The following ZFR variants were observed in gnomAD, a reference collection of about 807,000 sequenced individuals.
The protein encoded by ZFR is zinc finger RNA-binding protein.
Under a neutral mutation model 130.7 loss-of-function variants are expected in ZFR, and 19 were observed. That is an observed-to-expected ratio of 0.15 (90% CI 0.10 to 0.21). The LOEUF (loss-of-function observed/expected upper bound fraction) is 0.21, where lower values mean the gene tolerates loss of function less well. Among genes scored for constraint, ZFR ranks in the 10% least tolerant of loss-of-function variants. The pLI, the probability that ZFR is intolerant of heterozygous loss-of-function variation, is 1.00. For missense variants in ZFR, 872 were observed against 1,321.5 expected (o/e 0.66, Z 5.27); for synonymous variants, 466 against 456.9 (o/e 1.02, Z -0.25).
At chr5:32,430,416 C>G (rs913155276) in intron 2 of ZFR, among the ~76,000 whole-genome samples, 28 of 151,408 alleles carry the variant, frequency 1.8e-4, no homozygotes, top group African/African-American at 5.4e-4. Flanking sequence ...CCAGAATGCA[C>G]AGAGAGAGAG....
In ZFR at chr5:32,397,966, T is replaced by C. The variant is rs369172004; in HGVS notation, c.1714-628A>G. 9.7e-4 allele frequency among the ~76,000 whole-genome samples: 142 copies of C among 146,186 alleles called. 1 individual carries two copies. Among genetic ancestry groups the C allele is most frequent in the African/African-American group, 3.5e-3 (139 of 39,920 alleles). On this transcript the variant is annotated intron_variant, in intron 9 of 19. Transcript: ENST00000265069. ...TCCGCCTCCTGGGTTCACACCATTC[T>C]CCTGCCTCAGCCTTCCGAGTAGCTG...
At chr5:32,421,576 T>C (rs542235823) in intron 2 of ZFR, among the ~76,000 whole-genome samples, 1 of 152,260 alleles carries the variant, frequency 6.6e-6, no homozygotes, top group South Asian at 2.1e-4. Flanking sequence ...GGAGGACACC[T>C]GGAGAAATTC....
At chr5:32,385,714 T>C in intron 14 of ZFR, 65 bp from the exon 15 acceptor site, 2 of 1,569,138 alleles carry the variant, frequency 1.3e-6, no homozygotes, top group Non-Finnish European at 1.7e-6. Flanking sequence ...AGCACTTTCA[T>C]TATGGCTCTT....
chr5:32,359,620 G>T (rs937172329), intron 19 of ZFR, among the ~76,000 whole-genome samples: 3 of 152,174 alleles, frequency 2.0e-5, no homozygotes, highest in Non-Finnish European at 4.4e-5. Context: ...CATCAGTATA[G>T]AAACATTGTG....
rs529324728 is a variant in ZFR, at chr5:32,358,271, C to T, written c.3046-2332G>A. 1.3e-3 allele frequency among the ~76,000 whole-genome samples: 197 copies of T among 152,120 alleles called. 1 individual carries two copies. The highest frequency in any genetic ancestry group is 9.1e-3 in the South Asian group (44 of 4,816). The stretch of plus-strand genomic sequence containing the variant: ...ACTTTGGAGGCTGAGGCAGGAGTAT[C>T]GCTTGAACCCGGGAGGCACAGGTTG... On this transcript the variant is annotated intron_variant, in intron 19 of 19. Coordinates refer to ENST00000265069, the MANE Select transcript of ZFR (RefSeq NM_016107.5).
intron 9 of ZFR, among the ~76,000 whole-genome samples, chr5:32,398,371 G>A (rs1047816636): frequency 6.6e-6 from 1 of 152,158 alleles, no homozygotes; most frequent in Non-Finnish European, 1.5e-5. Flanking sequence ...AAATTAAGAT[G>A]AAATTTTTTC....
intron 17 of ZFR, among the ~76,000 whole-genome samples, chr5:32,378,793 AAC>A (rs1329934466): frequency 3.9e-5 from 6 of 152,154 alleles, no homozygotes; most frequent in African/African-American, 1.4e-4. Flanking sequence ...TAAGGAGATT[AAC>A]AGTTCTTCAA....
At chr5:32,358,944 C>A (rs1388229055) in intron 19 of ZFR, among the ~76,000 whole-genome samples, 2 of 152,064 alleles carry the variant, frequency 1.3e-5, no homozygotes, top group African/African-American at 4.8e-5. Context: ...AAAGCTTAGC[C>A]GGGCATGGTG....
At chr5:32,400,319 C>T in intron 8 of ZFR, 116 bp from the exon 9 acceptor site, 3 of 687,874 alleles carry the variant, frequency 4.4e-6, no homozygotes, top group Non-Finnish European at 6.5e-6. Flanking sequence ...TCCTAACTGA[C>T]ATACAACAGA....
intron 5 of ZFR, among the ~76,000 whole-genome samples, chr5:32,409,719 G>GTTCATGGTTGATTGAA (rs1264484323): frequency 6.6e-6 from 1 of 152,180 alleles, no homozygotes; most frequent in East Asian, 1.9e-4. Flanking sequence ...AATATTTTCA[G>GTTCATGGTTGATTGAA]TTCATGGTTG....
chr5:32,411,705 AT>A (rs1163479639), intron 5 of ZFR, among the ~76,000 whole-genome samples: 2 of 11,006 alleles, frequency 1.8e-4, no homozygotes, highest in African/African-American at 3.2e-4. Flanking sequence ...AAAAAAAAAA[AT>A]TGAGGGGGGG....
chr5:32,429,637 T>C (rs1377929916), intron 2 of ZFR, among the ~76,000 whole-genome samples: 2 of 152,188 alleles, frequency 1.3e-5, no homozygotes, highest in Non-Finnish European at 1.5e-5. Context: ...GCATTACACT[T>C]ACCTGTTGAG....
rs560692595 is a variant in ZFR, at chr5:32,430,105, C to T, written c.138-10002G>A. ...AAAAAAAAAAAAAAAAAAAAAATCA[C>T]GATAAAACCCAAGGGAAATACACTA... On this transcript the variant is annotated intron_variant, in intron 2 of 19. Coordinates refer to ENST00000265069, the MANE Select transcript of ZFR (RefSeq NM_016107.5). 1.4e-4 allele frequency among the ~76,000 whole-genome samples: 17 copies of T among 120,036 alleles called. No homozygotes were observed. In the East Asian group the frequency reaches 3.5e-3, roughly 24 times the overall value. The allele number at this position is 120,036 out of a possible 152,430, so 78.7% of individuals were successfully genotyped here. A position where few individuals can be genotyped will look rare whatever the true frequency, so the allele number is the denominator to read the frequency against.
At chr5:32,389,090 A>G (rs540857786) in intron 12 of ZFR, among the ~76,000 whole-genome samples, 37 of 152,342 alleles carry the variant, frequency 2.4e-4, no homozygotes, top group African/African-American at 8.7e-4. Flanking sequence ...ACTGCTCTAT[A>G]GAGAAACAAA....
At chr5:32,373,450 T>C (rs1431619559) in intron 17 of ZFR, among the ~76,000 whole-genome samples, 1 of 152,148 alleles carries the variant, frequency 6.6e-6, no homozygotes, top group African/African-American at 2.4e-5. Flanking sequence ...AAAGATAGTA[T>C]GAAAACAAAT....
chr5:32,371,876 AC>A (rs1342164387), intron 17 of ZFR, among the ~76,000 whole-genome samples: 1 of 152,002 alleles, frequency 6.6e-6, no homozygotes, highest in Non-Finnish European at 1.5e-5. Flanking sequence ...AAAAAAAAAA[AC>A]TTCATAGAGC....
intron 14 of ZFR, among the ~76,000 whole-genome samples, chr5:32,386,896 A>G (rs769475088): frequency 2.6e-5 from 4 of 152,106 alleles, no homozygotes; most frequent in Non-Finnish European, 5.9e-5. Context: ...TCAATTATGA[A>G]AGGAATCACT....
At position 32,420,072 on chromosome 5, in the gene ZFR, G is replaced by A. The variant is rs1561913210; in HGVS notation, c.169C>T (p.His57Tyr). 6.2e-7 allele frequency: 1 copy of A among 1,608,848 alleles called. No homozygotes were observed. The highest frequency in any genetic ancestry group is 8.5e-7 in the Non-Finnish European group (1 of 1,176,804). Residue 57 changes from histidine (H) to tyrosine (Y), a missense_variant, in exon 3 of 20, where the codon CAT (histidine) becomes TAT (tyrosine). Transcript: ENST00000265069. ...QQPASGVAYS[H>Y]PTTVASYTVH... Reference sequence around the variant, plus strand: ...GTGTAGCTAGCAACTGTAGTTGGATGAGAATAGGCTACACCCGAAGCTGGC... The same window carrying A: ...GTGTAGCTAGCAACTGTAGTTGGATAAGAATAGGCTACACCCGAAGCTGGC...
At chr5:32,437,787 T>C (rs554995157) in intron 2 of ZFR, among the ~76,000 whole-genome samples, 3 of 152,164 alleles carry the variant, frequency 2.0e-5, no homozygotes, top group Non-Finnish European at 4.4e-5. Context: ...CATGTCTATC[T>C]CTGGGATCTC....
Sources: gnomAD v4.1 joint callset for allele counts (sites outside exome capture counted in the v4.1 genomes callset) on GRCh38, gnomAD v4.1.1 for gene constraint, MANE v1.5 for transcripts, NCBI Gene and HGNC (gene_info 2026-07-23, HGNC 2026-07-21) for gene names.